M1AP: variants seen among roughly 807,000 people sequenced by gnomAD.
M1AP encodes meiosis 1 arrest protein.
In M1AP, 39 loss-of-function variants were observed where a neutral mutation model predicts 51.2. The ratio of observed to expected loss-of-function variants is 0.76; its 90% CI spans 0.59 to 1.00. The LOEUF is 1.00. M1AP is among the 50% of genes least tolerant of loss of function. The pLI, the probability that M1AP is intolerant of heterozygous loss-of-function variation, is 0.00. For synonymous variants in M1AP, 251 were observed against 249.2 expected (o/e 1.01, Z -0.07); for missense variants, 545 against 641.2 (o/e 0.85, Z 1.62).
intron 4 of M1AP, among the ~76,000 whole-genome samples, chr2:74,593,175 C>A (rs1322966334): frequency 6.6e-6 from 1 of 151,630 alleles, no homozygotes; most frequent in African/African-American, 2.4e-5. Flanking sequence ...TTCTTTTAAG[C>A]AAAAATCTCC....
At chr2:74,648,178 G>A in intron 1 of M1AP, 87 bp downstream of exon 1, 3 of 957,812 alleles carry the variant, frequency 3.1e-6, no homozygotes, top group Non-Finnish European at 3.7e-6. Flanking sequence ...GGACTGGCCC[G>A]AGCTCGGCCC....
At chr2:74,591,569 A>G (rs963089188) in intron 4 of M1AP, among the ~76,000 whole-genome samples, 1 of 152,204 alleles carries the variant, frequency 6.6e-6, no homozygotes, top group Non-Finnish European at 1.5e-5. Flanking sequence ...TGAATTAAGA[A>G]GAAAGCAGAG....
chr2:74,584,060 C>T (rs897621734), intron 4 of M1AP, among the ~76,000 whole-genome samples: 2 of 152,098 alleles, frequency 1.3e-5, no homozygotes, highest in Non-Finnish European at 2.9e-5. Context: ...CTCTCATCTG[C>T]CTCATTATGT....
chr2:74,626,263 T>G (rs1359745143), intron 2 of M1AP, among the ~76,000 whole-genome samples: 3 of 150,398 alleles, frequency 2.0e-5, no homozygotes, highest in Non-Finnish European at 4.4e-5. Context: ...TTCAGTTTTT[T>G]TTTTTTTTTT....
At chr2:74,592,592 G>T (rs1680112703) in intron 4 of M1AP, among the ~76,000 whole-genome samples, 1 of 151,620 alleles carries the variant, frequency 6.6e-6, no homozygotes, top group African/African-American at 2.4e-5. Flanking sequence ...CTTTCTCCTG[G>T]TTTTTCAGTT....
At chr2:74,616,598 C>T (rs562337706) in intron 2 of M1AP, among the ~76,000 whole-genome samples, 1 of 152,186 alleles carries the variant, frequency 6.6e-6, no homozygotes, top group South Asian at 2.1e-4. Context: ...TTGATCATCC[C>T]ATCATACTTC....
chr2:74,565,248 C>T (rs1024513062), intron 7 of M1AP, among the ~76,000 whole-genome samples: 8 of 151,980 alleles, frequency 5.3e-5, no homozygotes, highest in Non-Finnish European at 7.4e-5. Context: ...ATTTATTGAG[C>T]GCCTATTATG....
intron 2 of M1AP, among the ~76,000 whole-genome samples, chr2:74,624,686 A>G (rs188403739): frequency 7.0e-4 from 106 of 152,326 alleles, no homozygotes; most frequent in African/African-American, 2.5e-3. Flanking sequence ...TTGAAATTCA[A>G]AAGGATATGT....
At chr2:74,630,820 A>T (rs2104804988) in intron 2 of M1AP, among the ~76,000 whole-genome samples, 1 of 152,214 alleles carries the variant, frequency 6.6e-6, no homozygotes, top group African/African-American at 2.4e-5. Flanking sequence ...TTTATAACAG[A>T]ATGATTTATA....
At chr2:74,598,314 G>A (rs904790927) in intron 4 of M1AP, among the ~76,000 whole-genome samples, 9 of 152,070 alleles carry the variant, frequency 5.9e-5, no homozygotes, top group African/African-American at 1.4e-4. Flanking sequence ...CCTGGGAGGC[G>A]GAGGTTGTGG....
At chr2:74,584,826 A>G (rs1238126315) in intron 4 of M1AP, among the ~76,000 whole-genome samples, 1 of 147,118 alleles carries the variant, frequency 6.8e-6, no homozygotes, top group Non-Finnish European at 1.5e-5. Context: ...ATATATATAT[A>G]TATTTTATTA....
At chr2:74,630,732 C>T (rs1284758942) in intron 2 of M1AP, among the ~76,000 whole-genome samples, 4 of 152,080 alleles carry the variant, frequency 2.6e-5, no homozygotes, top group African/African-American at 9.7e-5. Flanking sequence ...TCCAGCCTAT[C>T]ACTGATGGGC....
intron 2 of M1AP, among the ~76,000 whole-genome samples, chr2:74,629,212 A>G (rs1217769645): frequency 6.6e-6 from 1 of 152,212 alleles, no homozygotes. Flanking sequence ...AACATAGTAA[A>G]TTATATTAAT....
intron 5 of M1AP, among the ~76,000 whole-genome samples, chr2:74,578,287 TG>T (rs898113179): frequency 2.0e-5 from 3 of 152,212 alleles, no homozygotes; most frequent in Admixed American, 2.0e-4. Context: ...CTTTAAGTTT[TG>T]GGGTGCATGT....
At chr2:74,587,922 G>A (rs1393234103) in intron 4 of M1AP, among the ~76,000 whole-genome samples, 1 of 151,928 alleles carries the variant, frequency 6.6e-6, no homozygotes, top group African/African-American at 2.4e-5. Flanking sequence ...AATACCTGAA[G>A]TAGACCCTCT....
intron 4 of M1AP, among the ~76,000 whole-genome samples, chr2:74,590,501 C>A (rs1198127105): frequency 6.6e-6 from 1 of 152,108 alleles, no homozygotes; most frequent in Non-Finnish European, 1.5e-5. Context: ...TAAGATAGGT[C>A]CCAAATACTA....
chr2:74,638,244 G>C lies in M1AP; in HGVS notation c.240+1792C>G, dbSNP rs568663932. ...TAATTTTTGTATTTTTGTAGAGGTGGGGTTTTACCATGTTGGCCAGGCTGG... is the reference window on the plus strand; with the variant it reads ...TAATTTTTGTATTTTTGTAGAGGTGCGGTTTTACCATGTTGGCCAGGCTGG... On this transcript the variant is annotated intron_variant, in intron 2 of 10. Coordinates refer to ENST00000421985, the MANE Select transcript of M1AP (RefSeq NM_001321739.2). Among the ~76,000 whole-genome samples the C allele has an allele frequency of 8.0e-4, 121 of 152,106 alleles. No individual in the cohort carries two copies. In the Middle Eastern group the frequency reaches 0.01, roughly 13 times the overall value.
At chr2:74,615,231 A>T (rs1681598264) in intron 2 of M1AP, 82 bp from the exon 3 acceptor site, 1 of 1,227,334 alleles carries the variant, frequency 8.1e-7, no homozygotes, top group East Asian at 2.3e-5. Context: ...TATTATAAAT[A>T]ATTCCTCAGA....
chr2:74,579,392 T>C (rs974982254), intron 5 of M1AP, among the ~76,000 whole-genome samples: 2 of 152,320 alleles, frequency 1.3e-5, no homozygotes, highest in South Asian at 4.1e-4. Context: ...TGGAGGAAGA[T>C]AGACCTGGGT....
Sources: allele counts gnomAD v4.1 joint callset (sites outside exome capture counted in the v4.1 genomes callset), GRCh38; gene constraint gnomAD v4.1.1; transcripts MANE v1.5; gene names NCBI Gene and HGNC (gene_info 2026-07-23, HGNC 2026-07-21).